IGBP1: variants seen among roughly 807,000 people sequenced by gnomAD.
The protein encoded by IGBP1 is immunoglobulin-binding protein 1.
In IGBP1, 2 loss-of-function variants were observed where a neutral mutation model predicts 25.9. That is an observed-to-expected ratio of 0.08 (90% CI 0.03 to 0.24). The LOEUF (loss-of-function observed/expected upper bound fraction) is 0.24. IGBP1 is among the 10% of genes least tolerant of loss of function. IGBP1 has a pLI of 1.00. For synonymous variants in IGBP1, 96 were observed against 93.4 expected (o/e 1.03, Z -0.16); for missense variants, 187 against 260.4 (o/e 0.72, Z 1.94).
At chrX:70,149,402 C>T (rs1330828603) in intron 5 of IGBP1, 1 of 118,441 alleles carries the variant, frequency 8.4e-6, no homozygotes, top group Non-Finnish European at 1.7e-5. Context: ...GCCTGTAATC[C>T]CAGCCCTTTG....
intron 3 of IGBP1, among the ~76,000 whole-genome samples, chrX:70,143,124 G>A (rs757380783): frequency 2.4e-4 from 26 of 110,592 alleles, no homozygotes; most frequent in African/African-American, 7.6e-4. Flanking sequence ...GGGTTTCACC[G>A]TGTTAGCCAG....
At chrX:70,141,918 AGGG>A (rs777533435) in intron 3 of IGBP1, among the ~76,000 whole-genome samples, 1 of 108,350 alleles carries the variant, frequency 9.2e-6, no homozygotes, top group Non-Finnish European at 1.9e-5. Flanking sequence ...ATTAAAAAAA[AGGG>A]GGGGGGCTCT....
chrX:70,164,952 TCGGGAGGCTGAGG>T (rs1392401896), intron 6 of IGBP1: 2 of 111,070 alleles, frequency 1.8e-5, no homozygotes, highest in Non-Finnish European at 3.8e-5. Context: ...TTCCAGCTAC[TCGGGAGGCTGAGG>T]CAGGAGGATG....
intron 3 of IGBP1, among the ~76,000 whole-genome samples, chrX:70,145,456 C>G (rs190716588): frequency 9.0e-6 from 1 of 111,366 alleles, no homozygotes; most frequent in African/African-American, 3.3e-5. Context: ...ATAGCCCCCA[C>G]AGCCCATACT....
intron 6 of IGBP1, among the ~76,000 whole-genome samples, chrX:70,159,894 G>T (rs2085261959): frequency 8.9e-6 from 1 of 111,772 alleles, no homozygotes; most frequent in Non-Finnish European, 1.9e-5. Context: ...GGCTCCAGGG[G>T]GTGGGATGCA....
At chrX:70,138,823 G>T (rs1377099706) in intron 3 of IGBP1, among the ~76,000 whole-genome samples, 1 of 111,748 alleles carries the variant, frequency 8.9e-6, no homozygotes, top group African/African-American at 3.3e-5. Flanking sequence ...TTAGACACTG[G>T]TTTTTTGCTA....
In IGBP1 at chrX:70,148,782, C is replaced by T. The variant is rs781658534; in HGVS notation, c.700C>T (p.Arg234Cys). The change falls in exon 5 of 7, where the codon CGC becomes TGC. Residue 234 changes from arginine to cysteine, a missense_variant. Transcript: ENST00000356413. ...TTAGGCATCAACTTCTAACTCATCTCGCCAGGAGAGGCCTCCAGTGAAACC... is the reference window on the plus strand; with the variant it reads ...TTAGGCATCAACTTCTAACTCATCTTGCCAGGAGAGGCCTCCAGTGAAACC... ...SREASTSNSS[R>C]QERPPVKPFI... 4.2e-6 allele frequency: 5 copies of T among 1,203,616 alleles called. No individual in the cohort carries two copies. In the East Asian group the frequency reaches 1.5e-4, roughly 36 times the overall value.
At chrX:70,135,365 A>G (rs770904435) in intron 3 of IGBP1, among the ~76,000 whole-genome samples, 4 of 111,915 alleles carry the variant, frequency 3.6e-5, no homozygotes, top group Non-Finnish European at 7.5e-5. Context: ...CTGGGGATAC[A>G]AACTGTATAG....
intron 6 of IGBP1, among the ~76,000 whole-genome samples, chrX:70,163,447 A>G (rs2085281180): frequency 8.9e-6 from 1 of 111,737 alleles, no homozygotes; most frequent in African/African-American, 3.3e-5. Context: ...AAATAAAGGG[A>G]AAGAGTCAAG....
At chrX:70,135,960 C>T (rs1478151010) in intron 3 of IGBP1, among the ~76,000 whole-genome samples, 1 of 111,637 alleles carries the variant, frequency 9.0e-6, no homozygotes, top group Non-Finnish European at 1.9e-5. Flanking sequence ...CTGCAAAATT[C>T]AGATAATAAT....
In IGBP1 at chrX:70,165,921, G is replaced by A; in HGVS notation, c.960G>A (p.Glu320=). 8.3e-7 allele frequency: 1 copy of A among 1,210,267 alleles called. No individual in the cohort carries two copies. Among genetic ancestry groups the A allele is most frequent in the Non-Finnish European group, 1.1e-6 (1 of 894,311 alleles). ...DDEQTLHRAR[E]WDDWKDTHPR... ...AACAAACACTCCACAGAGCCCGGGA[G>A]TGGGATGACTGGAAGGACACCCATC... The change falls in exon 7 of 7, where the codon GAG becomes GAA. Residue 320 remains glutamate (E), a synonymous_variant. Transcript: ENST00000356413.
chrX:70,163,850 C>T (rs1206643749), intron 6 of IGBP1: 1 of 112,163 alleles, frequency 8.9e-6, no homozygotes, highest in Non-Finnish European at 1.9e-5. Context: ...GCCCCAACTT[C>T]TTCAACAGAT....
chrX:70,144,147 G>A (rs1028677737), intron 3 of IGBP1, among the ~76,000 whole-genome samples: 1 of 111,964 alleles, frequency 8.9e-6, no homozygotes, highest in Non-Finnish European at 1.9e-5. Flanking sequence ...GAAATTGTGC[G>A]GCTGCACTCC....
intron 3 of IGBP1, among the ~76,000 whole-genome samples, chrX:70,141,922 G>T (rs1018210364): frequency 1.8e-5 from 2 of 110,933 alleles, no homozygotes; most frequent in Non-Finnish European, 3.8e-5. Flanking sequence ...AAAAAAAGGG[G>T]GGGGGCTCTG....
At chrX:70,138,382 G>A (rs1220116593) in intron 3 of IGBP1, among the ~76,000 whole-genome samples, 2 of 107,813 alleles carry the variant, frequency 1.9e-5, no homozygotes. Flanking sequence ...AGCTACTCCA[G>A]AGGCTGAGCT....
intron 6 of IGBP1, among the ~76,000 whole-genome samples, chrX:70,159,691 G>T (rs1012465877): frequency 6.3e-5 from 7 of 111,548 alleles, no homozygotes; most frequent in African/African-American, 1.6e-4. Context: ...GGGGGTCAGG[G>T]CATAGTACTG....
intron 6 of IGBP1, among the ~76,000 whole-genome samples, chrX:70,158,734 T>C (rs2085255317): frequency 9.0e-6 from 1 of 111,095 alleles, no homozygotes; most frequent in African/African-American, 3.3e-5. Flanking sequence ...TCCCAGCTAC[T>C]TGGGAGGCTG....
chrX:70,146,564 T>C (rs1271593188), intron 3 of IGBP1, 69 bp from the exon 4 acceptor site: 4 of 907,100 alleles, frequency 4.4e-6, no homozygotes, highest in Non-Finnish European at 6.4e-6. Flanking sequence ...TAAAATCTTA[T>C]TGAGGCCTTC....
chrX:70,153,946 T>C (rs187035864), intron 6 of IGBP1, among the ~76,000 whole-genome samples: 322 of 111,885 alleles, frequency 2.9e-3, no homozygotes, highest in African/African-American at 1.0e-2. Flanking sequence ...CCCTATTCTA[T>C]TAGTCATATA....
Sources: gnomAD v4.1 joint callset for allele counts (sites outside exome capture counted in the v4.1 genomes callset) on GRCh38, gnomAD v4.1.1 for gene constraint, MANE v1.5 for transcripts, NCBI Gene and HGNC (gene_info 2026-07-23, HGNC 2026-07-21) for gene names.